ARPP21: variants seen among roughly 807,000 people sequenced by gnomAD.
ARPP21 encodes cAMP regulated phosphoprotein 21.
Under a neutral mutation model 113.2 loss-of-function variants are expected in ARPP21, and 69 were observed. That is an observed-to-expected ratio of 0.61 (90% CI 0.50 to 0.74). ARPP21 has a LOEUF of 0.74. Among genes scored for constraint, ARPP21 ranks in the 30% least tolerant of loss-of-function variants. The pLI is 0.00. For missense variants in ARPP21, 1,070 were observed against 1,037.4 expected, an observed-to-expected ratio of 1.03 and a Z score of -0.43; for synonymous variants, 368 against 375.5, an observed-to-expected ratio of 0.98 and a Z score of 0.23.
At chr3:35,731,158 TAC>T (rs2093930227) in intron 15 of ARPP21, among the ~76,000 whole-genome samples, 1 of 152,176 alleles carries the variant, frequency 6.6e-6, no homozygotes, top group Non-Finnish European at 1.5e-5. Context: ...TAAGCAAAAT[TAC>T]AGAGTGTTTT....
chr3:35,718,286 C>T (rs2092683606), intron 13 of ARPP21, among the ~76,000 whole-genome samples: 1 of 152,102 alleles, frequency 6.6e-6, no homozygotes, highest in African/African-American at 2.4e-5. Context: ...GGACTTCTTT[C>T]ACTTTTCTAG....
chr3:35,683,913 A>T (rs1025660011), intron 5 of ARPP21, 98 bp downstream of exon 5: 1 of 993,738 alleles, frequency 1.0e-6, no homozygotes, highest in Non-Finnish European at 1.6e-6. Context: ...GGGGGAGAAA[A>T]ATATAATTGA....
chr3:35,716,001 A>G (rs2092336834), intron 12 of ARPP21, among the ~76,000 whole-genome samples: 1 of 152,138 alleles, frequency 6.6e-6, no homozygotes, highest in Non-Finnish European at 1.5e-5. Context: ...ACTGGCCTAG[A>G]TTTAGCAGTG....
chr3:35,691,656 G>T (rs180808724), intron 9 of ARPP21, among the ~76,000 whole-genome samples: 6 of 151,312 alleles, frequency 4.0e-5, no homozygotes, highest in Admixed American at 1.3e-4. Context: ...TCTTAATACC[G>T]GTTCATTGTT....
intron 1 of ARPP21, among the ~76,000 whole-genome samples, chr3:35,668,030 A>AAGG (rs1559550907): frequency 6.3e-5 from 9 of 141,792 alleles, no homozygotes; most frequent in Admixed American, 1.4e-4. Context: ...GAAGAAGAAG[A>AAGG]AGGAGAAGAA....
chr3:35,786,573 T>G (rs982863115), intron 19 of ARPP21, among the ~76,000 whole-genome samples: 4 of 151,338 alleles, frequency 2.6e-5, no homozygotes, highest in Non-Finnish European at 5.9e-5. Context: ...TTACATAAAT[T>G]GGGAGGTTGG....
At chr3:35,644,322 A>G (rs1422861731) in intron 1 of ARPP21, among the ~76,000 whole-genome samples, 1 of 151,890 alleles carries the variant, frequency 6.6e-6, no homozygotes, top group African/African-American at 2.4e-5. Flanking sequence ...GGCCCTAGAT[A>G]TTGAAGTACA....
chr3:35,724,270 G>T (rs2150357810), intron 14 of ARPP21, among the ~76,000 whole-genome samples: 1 of 152,296 alleles, frequency 6.6e-6, no homozygotes, highest in Middle Eastern at 3.4e-3. Context: ...TGATGCGATT[G>T]TATCCTCCTT....
At position 35,717,338 on chromosome 3, in the gene ARPP21, A is replaced by G; in HGVS notation, c.976A>G (p.Lys326Glu). 6.2e-7 allele frequency: 1 copy of G among 1,604,894 alleles called. No individual in the cohort carries two copies. The highest frequency in any genetic ancestry group is 8.5e-7 in the Non-Finnish European group (1 of 1,171,920). The change falls in exon 13 of 21, where the codon AAG becomes GAG. Residue 326 changes from lysine (K) to glutamate (E), a missense_variant. Lys to Glu is a moderately conservative substitution (Grantham distance 56, BLOSUM62 1). Coordinates refer to ENST00000684406, the MANE Select transcript of ARPP21 (RefSeq NM_001385562.1). Reference protein sequence around the residue: ...EDSNICNETYKKRQLFRGNRD... With the variant: ...EDSNICNETYEKRQLFRGNRD... ...CAGTAACATATGCAATGAGACCTAT[A>G]AGAAAAGACAGCTCTTTCGGTTGGT...
intron 1 of ARPP21, among the ~76,000 whole-genome samples, chr3:35,658,236 A>C (rs1705935678): frequency 1.3e-5 from 2 of 152,032 alleles, no homozygotes; most frequent in African/African-American, 4.8e-5. Context: ...ACTGTGTTTG[A>C]ATAATTTTTA....
chr3:35,731,091 G>A (rs570423398), intron 15 of ARPP21, among the ~76,000 whole-genome samples: 43 of 152,272 alleles, frequency 2.8e-4, no homozygotes, highest in African/African-American at 1.0e-3. Context: ...TTTTAATTGA[G>A]ATAGAGGGCT....
chr3:35,762,481 C>A (rs2095819273), intron 19 of ARPP21, among the ~76,000 whole-genome samples: 2 of 152,012 alleles, frequency 1.3e-5, no homozygotes, highest in African/African-American at 4.8e-5. Context: ...CATTATGAAA[C>A]TTTCAGGTCC....
chr3:35,649,350 A>G (rs1409129036), intron 1 of ARPP21, among the ~76,000 whole-genome samples: 2 of 152,164 alleles, frequency 1.3e-5, no homozygotes, highest in Non-Finnish European at 2.9e-5. Context: ...TCAGACAATG[A>G]CTAGGGATTT....
intron 19 of ARPP21, among the ~76,000 whole-genome samples, chr3:35,756,650 C>T (rs1025985577): frequency 3.3e-5 from 5 of 152,078 alleles, no homozygotes; most frequent in African/African-American, 1.2e-4. Context: ...CTGTTTTTTA[C>T]AGGTACCTAG....
intron 9 of ARPP21, among the ~76,000 whole-genome samples, chr3:35,696,490 C>T (rs753617043): frequency 6.6e-6 from 1 of 151,542 alleles, no homozygotes; most frequent in Non-Finnish European, 1.5e-5. Context: ...ACTCCTGTAA[C>T]AAATAGAGTC....
chr3:35,641,376 T>C (rs758215604), intron 1 of ARPP21: 5 of 152,190 alleles, frequency 3.3e-5, no homozygotes, highest in Non-Finnish European at 7.4e-5. Flanking sequence ...GCTATGATTG[T>C]TTTAAGTAAA....
intron 19 of ARPP21, among the ~76,000 whole-genome samples, chr3:35,773,866 G>A (rs2096276823): frequency 1.3e-5 from 2 of 152,008 alleles, no homozygotes; most frequent in South Asian, 4.1e-4. Flanking sequence ...TTAAATATGG[G>A]CACTTGTAGC....
intron 14 of ARPP21, among the ~76,000 whole-genome samples, chr3:35,728,258 G>A (rs182466364): frequency 1.6e-3 from 185 of 117,904 alleles, no homozygotes; most frequent in African/African-American, 5.6e-3. Flanking sequence ...TGACTCTGTC[G>A]CCCAGGCTGG....
chr3:35,691,491 T>C (rs1008289546), intron 9 of ARPP21, among the ~76,000 whole-genome samples: 1 of 151,772 alleles, frequency 6.6e-6, no homozygotes, highest in South Asian at 2.1e-4. Flanking sequence ...CAATTCTACT[T>C]ACTAGTTGTG....
Sources: allele counts gnomAD v4.1 joint callset (sites outside exome capture counted in the v4.1 genomes callset), GRCh38; gene constraint gnomAD v4.1.1; transcripts MANE v1.5; gene names NCBI Gene and HGNC (gene_info 2026-07-23, HGNC 2026-07-21).